Variants in SPTBN5 observed in about 807,000 individuals in gnomAD.
The protein encoded by SPTBN5 is spectrin beta chain, non-erythrocytic 5.
A neutral mutation model predicts 477.6 loss-of-function variants in SPTBN5; 513 were observed. The observed-to-expected ratio is 1.07, with a 90% confidence interval of 1.00 to 1.16. SPTBN5 has a LOEUF of 1.16. SPTBN5 is among the 50% of genes most tolerant of loss of function. SPTBN5 has a pLI of 0.00. For missense variants in SPTBN5, 5,062 were observed against 4,731.8 expected, an observed-to-expected ratio of 1.07 and a Z score of -2.05; for synonymous variants, 2,169 against 2,011.7, an observed-to-expected ratio of 1.08 and a Z score of -2.09.
intron 51 of SPTBN5, 59 bp downstream of exon 51, chr15:41,857,178 AG>A: frequency 1.3e-6 from 2 of 1,539,748 alleles, no homozygotes; most frequent in Admixed American, 1.9e-5. Flanking sequence ...TTAAGAGGGC[AG>A]GGGTGGGGGT....
At position 41,876,243 on chromosome 15, in the gene SPTBN5, T is replaced by C; in HGVS notation, c.3993A>G (p.Glu1331=). Residue 1331 remains glutamate, a synonymous_variant, in exon 21 of 68, where the codon GAA becomes GAG. Coordinates refer to ENST00000320955, the MANE Select transcript of SPTBN5 (RefSeq NM_016642.4). The part of the protein sequence containing the change: ...QDVAELMQWM[E]EKGLMAAHEP... ...CATGCGCAGCCATCAGCCCCTTCTC[T>C]TCCATCCACTGCATCAGCTCTGCCA... is the stretch of plus-strand genomic sequence containing the variant. The C allele has an allele frequency of 6.3e-7, 1 of 1,597,094 alleles. No individual in the cohort carries two copies. The highest frequency in any genetic ancestry group is 1.3e-5 in the African/African-American group (1 of 74,910).
Position 41,853,465 on chromosome 15 carries a change from G to C in SPTBN5, c.9981-18C>G. 1 of 1,557,074 alleles carries C rather than the reference G, an allele frequency of 6.4e-7. No homozygotes were observed. The highest frequency in any genetic ancestry group is 8.7e-7 in the Non-Finnish European group (1 of 1,143,724). On this transcript the variant is annotated intron_variant, in intron 58 of 67. Transcript: ENST00000320955. ...CCCATGCTCTGTGGGGCAGGGAAGG[G>C]AGCTGTTGTCAGGGCTGGCTGGGGA...
At chr15:41,881,845 G>A in intron 12 of SPTBN5, 91 bp downstream of exon 12, 1 of 1,263,108 alleles carries the variant, frequency 7.9e-7, no homozygotes, top group Non-Finnish European at 1.1e-6. Context: ...TGGGCCAGAG[G>A]CCACAAAGGC....
In SPTBN5 at chr15:41,873,014, G is replaced by A. The variant is rs1241500198; in HGVS notation, c.5007+478C>T. ...GAAGCTTGTGTGGTTCTGGGAGTCC[G>A]AATTCAGGAGTGAGGAAGGGGACTT... On this transcript the variant is annotated intron_variant, in intron 26 of 67. Transcript: ENST00000320955. 6.6e-5 allele frequency among the ~76,000 whole-genome samples: 10 copies of A among 152,154 alleles called. No homozygotes were observed. The East Asian group carries it at 1.5e-3, about 23-fold the overall frequency.
Position 41,876,534 on chromosome 15 carries a change from G to A in SPTBN5, c.3951+14C>T. The A allele has an allele frequency of 6.3e-7, 1 of 1,578,308 alleles. No individual in the cohort carries two copies. On this transcript the variant is annotated intron_variant, in intron 20 of 67. Coordinates refer to ENST00000320955, the MANE Select transcript of SPTBN5 (RefSeq NM_016642.4). ...TTCAGGGAGGCGTCATGCGACCTGGGCCCAGACCCTCACCTGGAGCTGGAG... is the reference window on the plus strand; with the variant it reads ...TTCAGGGAGGCGTCATGCGACCTGGACCCAGACCCTCACCTGGAGCTGGAG...
intron 34 of SPTBN5, 54 bp downstream of exon 34, chr15:41,868,015 A>C: frequency 6.5e-7 from 1 of 1,545,170 alleles, no homozygotes; most frequent in Non-Finnish European, 8.7e-7. Flanking sequence ...AGAGAGGAGA[A>C]TAGAAAGGAG....
In SPTBN5 at chr15:41,870,491, G is replaced by A. The variant is rs2066495286; in HGVS notation, c.5517C>T (p.Thr1839=). ...CCAAGAGATCTCTGTGAACTCTGAGGGTGGTCTCGGTGTCTCGGAGCGCGT... is the reference window on the plus strand; with the variant it reads ...CCAAGAGATCTCTGTGAACTCTGAGAGTGGTCTCGGTGTCTCGGAGCGCGT... The part of the protein sequence containing the change: ...RGHALRDTET[T]LRVHRDLLEV... Residue 1839 remains threonine (T), a synonymous_variant, in exon 30 of 68, where the codon ACC becomes ACT. Coordinates refer to ENST00000320955, the MANE Select transcript of SPTBN5 (RefSeq NM_016642.4). 6.2e-7 allele frequency: 1 copy of A among 1,613,512 alleles called. No homozygotes were observed. Among genetic ancestry groups the A allele is most frequent in the South Asian group, 1.1e-5 (1 of 91,056 alleles).
At chr15:41,852,448 A>G in intron 61 of SPTBN5, 132 bp from the exon 62 acceptor site, 1 of 1,380,498 alleles carries the variant, frequency 7.2e-7, no homozygotes, top group Non-Finnish European at 9.9e-7. Flanking sequence ...TAGCTCTTTC[A>G]GCTTTGGCTC....
intron 67 of SPTBN5, 122 bp downstream of exon 67, chr15:41,849,747 C>G (rs2065687754): frequency 1.3e-6 from 1 of 747,292 alleles, no homozygotes; most frequent in Non-Finnish European, 2.2e-6. Flanking sequence ...GTTCCAATAG[C>G]ATTTCCCTAC....
chr15:41,866,573 C>T, intron 36 of SPTBN5, 80 bp from the exon 37 acceptor site: 1 of 1,409,352 alleles, frequency 7.1e-7, no homozygotes, highest in Non-Finnish European at 9.2e-7. Context: ...CCCAGCCATT[C>T]CCAGGAGGCT....
In SPTBN5 at chr15:41,878,646, G is replaced by A. The variant is rs769160119; in HGVS notation, c.3183-17C>T. 1.4e-5 allele frequency: 23 copies of A among 1,603,020 alleles called. No individual in the cohort carries two copies. The highest frequency in any genetic ancestry group is 6.7e-5 in the East Asian group (3 of 44,538). ...TCCTCGACCCTGGGAGACAGGGTGC[G>A]CTGCACAGTCAGTGCCCTGTCCTGG... is the stretch of plus-strand genomic sequence containing the variant. On this transcript the variant is annotated splice_polypyrimidine_tract_variant and intron_variant, in intron 16 of 67. Transcript: ENST00000320955.
Position 41,893,023 on chromosome 15 carries a change from AGCCAGCTCTGT to A in SPTBN5, c.244_254del (p.Thr82Ter), listed in dbSNP as rs763175245. ...GCAGCCGCAGGAGGTGGATGCCGTC[AGCCAGCTCTGT>A]GTACAGGTTCCGGATCTTGATGCCC... On this transcript the variant is annotated frameshift_variant, in exon 3 of 68. Coordinates refer to ENST00000320955, the MANE Select transcript of SPTBN5 (RefSeq NM_016642.4). LOFTEE classifies it high-confidence loss of function. 4.5e-5 allele frequency: 73 copies of A among 1,611,420 alleles called. 1 individual carries two copies. In the South Asian group the frequency reaches 6.9e-4, roughly 15 times the overall value.
Position 41,852,617 on chromosome 15 carries a change from G to A in SPTBN5, c.10449+17C>T, listed in dbSNP as rs1479399086. The A allele has an allele frequency of 1.2e-6, 2 of 1,611,976 alleles. 1 individual carries two copies. Among genetic ancestry groups the A allele is most frequent in the South Asian group, 2.2e-5 (2 of 91,052 alleles). ...TTCCCCCACCAGCCCTCAGCCCCTA[G>A]CCGAGGCAGTCGTCACCTCTGTCTT... On this transcript the variant is annotated intron_variant, in intron 61 of 67. Coordinates refer to ENST00000320955, the MANE Select transcript of SPTBN5 (RefSeq NM_016642.4).
intron 23 of SPTBN5, 62 bp from the exon 24 acceptor site, chr15:41,874,540 C>A (rs142458569): frequency 7.2e-7 from 1 of 1,379,664 alleles, no homozygotes; most frequent in Admixed American, 2.6e-5. Flanking sequence ...GCTCCTGGTT[C>A]TTTCCTTGGC....
Position 41,866,345 on chromosome 15 carries a change from T to G in SPTBN5, c.6629A>C (p.Lys2210Thr), listed in dbSNP as rs2066311099. 1 of 1,590,360 alleles carries G rather than the reference T, an allele frequency of 6.3e-7. No homozygotes were observed. The highest frequency in any genetic ancestry group is 8.6e-7 in the Non-Finnish European group (1 of 1,168,150). ...AHEEVMTSVA[K>T]KGEALLAQSH... ...TGGGGCTGAGGGCCCGGTTGTTACCTTGGCAACAGAGGTCATGACCTCCTC... is the reference window on the plus strand; with the variant it reads ...TGGGGCTGAGGGCCCGGTTGTTACCGTGGCAACAGAGGTCATGACCTCCTC... Residue 2210 changes from lysine (K) to threonine (T), a missense_variant and splice_region_variant, in exon 37 of 68, where the codon AAG (lysine) becomes ACG (threonine). Physicochemically the swap from Lys to Thr is moderately conservative, Grantham distance 78. Coordinates refer to ENST00000320955, the MANE Select transcript of SPTBN5 (RefSeq NM_016642.4).
At position 41,866,684 on chromosome 15, in the gene SPTBN5, C is replaced by T. The variant is rs2066328297; in HGVS notation, c.6481-191G>A. 4 of 776,284 alleles carry T rather than the reference C, an allele frequency of 5.2e-6. No homozygotes were observed. In the African/African-American group the frequency reaches 5.3e-5, roughly 10 times the overall value. The allele number at this position is 776,284 out of a possible 1,614,324, so 48.1% of individuals were successfully genotyped here. On this transcript the variant is annotated intron_variant, in intron 36 of 67. Transcript: ENST00000320955. ...GCAGCCGGGCAGGGCCTTGGGTGGGCTCTCGTTTTGGAGGTGTGGCCCCTA... is the reference window on the plus strand; with the variant it reads ...GCAGCCGGGCAGGGCCTTGGGTGGGTTCTCGTTTTGGAGGTGTGGCCCCTA...
intron 21 of SPTBN5, 94 bp from the exon 22 acceptor site, chr15:41,875,716 G>T: frequency 1.5e-6 from 2 of 1,331,790 alleles, no homozygotes; most frequent in South Asian, 1.5e-5. Flanking sequence ...TGGAGGTGAG[G>T]GGGTGACCAC....
rs756516825 is a variant in SPTBN5 at position 41,882,394 on chromosome 15, G to A, written c.2122C>T (p.Arg708Cys). Residue 708 changes from arginine to cysteine, a missense_variant, in exon 11 of 68, where the codon CGC (arginine) becomes TGC (cysteine). Transcript: ENST00000320955. ...GGATCCGGCTGCGTTGGGGGCCTGCGGGCGCTGAGGTCGCGTCCCCTCCGC... is the reference window on the plus strand; with the variant it reads ...GGATCCGGCTGCGTTGGGGGCCTGCAGGCGCTGAGGTCGCGTCCCCTCCGC... ...LVRRGRDLSA[R>C]RPPTQPDPGE... 7 of 1,538,960 alleles carry A rather than the reference G, an allele frequency of 4.5e-6. No homozygotes were observed. Among genetic ancestry groups the A allele is most frequent in the Admixed American group, 1.9e-5 (1 of 51,366 alleles).
At position 41,871,784 on chromosome 15, in the gene SPTBN5, G is replaced by A; in HGVS notation, c.5299C>T (p.Leu1767=). ...CTTGACCCTGGCCCTCTTCTCACCA[G>A]GGCGTGCTCGGGGTCCTCTCCCAGG... ...ESLGEDPEHA[L]HLCTKFAKFQ... The change falls in exon 28 of 68, where the codon CTG becomes TTG. Residue 1767 remains leucine, a splice_region_variant and synonymous_variant. Coordinates refer to ENST00000320955, the MANE Select transcript of SPTBN5 (RefSeq NM_016642.4). 6.3e-7 allele frequency: 1 copy of A among 1,583,148 alleles called. No individual in the cohort carries two copies. The highest frequency in any genetic ancestry group is 8.6e-7 in the Non-Finnish European group (1 of 1,164,276).
Sources: allele counts gnomAD v4.1 joint callset (sites outside exome capture counted in the v4.1 genomes callset), GRCh38; gene constraint gnomAD v4.1.1; transcripts MANE v1.5; gene names NCBI Gene and HGNC (gene_info 2026-07-23, HGNC 2026-07-21).